The following C1GALT1 variants were observed in gnomAD, a reference collection of about 807,000 sequenced individuals.
C1GALT1 encodes the protein core 1 synthase, glycoprotein-N-acetylgalactosamine 3-beta-galactosyltransferase 1.
A neutral mutation model predicts 31.0 loss-of-function variants in C1GALT1; 11 were observed. The ratio of observed to expected loss-of-function variants is 0.36; its 90% CI spans 0.22 to 0.59. C1GALT1 has a LOEUF of 0.59. C1GALT1 is among the 20% of genes least tolerant of loss of function. C1GALT1 has a pLI of 0.79. For missense variants in C1GALT1, 424 were observed against 425.2 expected (o/e 1.00, Z 0.03); for synonymous variants, 175 against 143.6 (o/e 1.22, Z -1.56).
At chr7:7,166,914 C>T (rs539749211) in intron 2 of C1GALT1, among the ~76,000 whole-genome samples, 1 of 152,174 alleles carries the variant, frequency 6.6e-6, no homozygotes, top group Non-Finnish European at 1.5e-5. Flanking sequence ...TCATGTTAGT[C>T]CTTTTTATTT....
chr7:7,163,516 A>G (rs1376055918), intron 2 of C1GALT1, among the ~76,000 whole-genome samples: 3 of 152,180 alleles, frequency 2.0e-5, no homozygotes, highest in Non-Finnish European at 2.9e-5. Flanking sequence ...GGAAAAGGGG[A>G]AGTCAAATTG....
intron 1 of C1GALT1, among the ~76,000 whole-genome samples, chr7:7,198,677 G>A (rs1781404387): frequency 6.6e-6 from 1 of 151,948 alleles, no homozygotes; most frequent in South Asian, 2.1e-4. Flanking sequence ...ACTTTTTTTG[G>A]TTCATAGGCT....
chr7:7,179,737 A>G (rs1331431303), upstream of C1GALT1, among the ~76,000 whole-genome samples: 1 of 152,072 alleles, frequency 6.6e-6, no homozygotes, highest in East Asian at 1.9e-4. Context: ...TTGGCCCTCC[A>G]AAGCAACCAT....
chr7:7,172,520 T>C (rs571227619), intron 2 of C1GALT1, among the ~76,000 whole-genome samples: 23 of 152,338 alleles, frequency 1.5e-4, no homozygotes, highest in Admixed American at 3.3e-4. Context: ...TTTCTGGCTA[T>C]AATTTTTCAA....
chr7:7,218,983 G>A (rs527773557), intron 1 of C1GALT1, among the ~76,000 whole-genome samples: 48 of 151,924 alleles, frequency 3.2e-4, no homozygotes, highest in African/African-American at 1.0e-3. Context: ...ACAGGCGCCC[G>A]CCACCACACC....
intron 1 of C1GALT1, among the ~76,000 whole-genome samples, chr7:7,212,865 A>G (rs1275384057): frequency 6.6e-6 from 1 of 152,178 alleles, no homozygotes; most frequent in Admixed American, 6.5e-5. Flanking sequence ...CATTATCACA[A>G]AGGCAGGGGA....
chr7:7,234,056 C>T (rs1242925319), intron 1 of C1GALT1, among the ~76,000 whole-genome samples: 1 of 152,142 alleles, frequency 6.6e-6, no homozygotes, highest in African/African-American at 2.4e-5. Flanking sequence ...ATAGGAAATT[C>T]TGTGTGCAAT....
At chr7:7,170,712 G>A (rs1231371356) in intron 2 of C1GALT1, among the ~76,000 whole-genome samples, 1 of 152,182 alleles carries the variant, frequency 6.6e-6, no homozygotes, top group Non-Finnish European at 1.5e-5. Flanking sequence ...AACCCAGGAG[G>A]CAGAGGTTGC....
At chr7:7,194,338 G>A (rs1203650490) in intron 1 of C1GALT1, among the ~76,000 whole-genome samples, 2 of 151,950 alleles carry the variant, frequency 1.3e-5, no homozygotes, top group African/African-American at 4.8e-5. Flanking sequence ...ATTACCTTAA[G>A]GCATCTCCTT....
chr7:7,199,589 T>C (rs1781447477), intron 1 of C1GALT1, among the ~76,000 whole-genome samples: 1 of 144,432 alleles, frequency 6.9e-6, no homozygotes, highest in African/African-American at 2.7e-5. Context: ...TTCCTGGATA[T>C]CCTTGTTACA....
At chr7:7,183,911 G>A (rs1231369894) in intron 1 of C1GALT1, among the ~76,000 whole-genome samples, 2 of 152,208 alleles carry the variant, frequency 1.3e-5, no homozygotes, top group East Asian at 1.9e-4. Context: ...ATTGGCCGAT[G>A]TGTAAGGGAG....
intron 1 of C1GALT1, among the ~76,000 whole-genome samples, chr7:7,225,194 TAATC>T (rs1232908570): frequency 5.3e-5 from 8 of 152,234 alleles, no homozygotes; most frequent in Non-Finnish European, 1.2e-4. Context: ...GAAGCTTAAA[TAATC>T]AATTTATTTC....
upstream of C1GALT1, among the ~76,000 whole-genome samples, chr7:7,178,702 C>G (rs79186096): frequency 2.7e-3 from 416 of 152,230 alleles, 5 homozygotes; most frequent in African/African-American, 9.6e-3. Flanking sequence ...ATGCTACCTA[C>G]TAAAGTGAAA....
intron 2 of C1GALT1, among the ~76,000 whole-genome samples, chr7:7,169,958 G>T (rs1780436236): frequency 6.6e-6 from 1 of 152,174 alleles, no homozygotes; most frequent in African/African-American, 2.4e-5. Context: ...ATTTGGCAAA[G>T]TTCACCAGTG....
intron 1 of C1GALT1, among the ~76,000 whole-genome samples, chr7:7,191,300 T>G (rs1781060287): frequency 6.6e-6 from 1 of 152,146 alleles, no homozygotes; most frequent in African/African-American, 2.4e-5. Flanking sequence ...TCATTCATTT[T>G]GTAGCATATA....
At chr7:7,202,646 TC>T (rs1228748330) in intron 1 of C1GALT1, among the ~76,000 whole-genome samples, 1 of 152,200 alleles carries the variant, frequency 6.6e-6, no homozygotes, top group African/African-American at 2.4e-5. Context: ...AGTCTTGAAA[TC>T]AGTAAGTATG....
Position 7,244,187 on chromosome 7 carries a change from G to C in C1GALT1, c.*460G>C, listed in dbSNP as rs775966975. ...CTCAAGAATTGAGTTTATATTTGCAGTATGCTATAAATGATACCCCCCTAC... is the reference window on the plus strand; with the variant it reads ...CTCAAGAATTGAGTTTATATTTGCACTATGCTATAAATGATACCCCCCTAC... On this transcript the variant is annotated 3_prime_UTR_variant, in exon 4 of 4. Transcript: ENST00000436587. 6.5e-6 allele frequency: 1 copy of C among 152,704 alleles called. No homozygotes were observed. The highest frequency in any genetic ancestry group is 1.5e-5 in the Non-Finnish European group (1 of 68,160). 9.5% of individuals were successfully genotyped at this position (152,704 alleles called of 1,614,324 possible). A position where few individuals can be genotyped will look rare whatever the true frequency, so the allele number is the denominator to read the frequency against.
At chr7:7,177,894 C>G (rs575479524), upstream of C1GALT1, 1 of 162,012 alleles carries the variant, frequency 6.2e-6, no homozygotes, top group African/African-American at 2.4e-5. Flanking sequence ...GATAATTTTC[C>G]CCAGTTAGTG....
In C1GALT1 at chr7:7,204,120, T is replaced by G. The variant is rs527339803; in HGVS notation, c.-18+21300T>G. Reference sequence around the variant, plus strand: ...CTGTTTTTTTTTTTTTGTTTTTTTGTTTTTTTTTTTGGAAAAGTTTGAGAA... The same window carrying G: ...CTGTTTTTTTTTTTTTGTTTTTTTGGTTTTTTTTTTGGAAAAGTTTGAGAA... On this transcript the variant is annotated intron_variant, in intron 1 of 3. Coordinates refer to ENST00000436587, the MANE Select transcript of C1GALT1 (RefSeq NM_020156.5). Among the ~76,000 whole-genome samples, 667 of 141,378 alleles carry G rather than the reference T, an allele frequency of 4.7e-3. 8 individuals carry two copies. The highest frequency in any genetic ancestry group is 0.016 in the African/African-American group (619 of 38,362). The allele number at this position is 141,378 out of a possible 152,430, so 92.7% of individuals were successfully genotyped here.
Sources: gnomAD v4.1 joint callset for allele counts (sites outside exome capture counted in the v4.1 genomes callset) on GRCh38, gnomAD v4.1.1 for gene constraint, MANE v1.5 for transcripts, NCBI Gene and HGNC (gene_info 2026-07-23, HGNC 2026-07-21) for gene names.